Variants in RELN observed in about 807,000 individuals in gnomAD.
The protein encoded by RELN is reelin.
In RELN, 108 loss-of-function variants were observed where a neutral mutation model predicts 427.6. The ratio of observed to expected loss-of-function variants is 0.25; its 90% confidence interval spans 0.22 to 0.30. RELN has a LOEUF of 0.30. Ranked by LOEUF, RELN falls within the 10% of genes least tolerant of loss-of-function variation. RELN has a pLI of 1.00. For missense variants in RELN, 3,715 were observed against 4,302.8 expected (o/e 0.86, Z 3.82); for synonymous variants, 1,524 against 1,513.4 (o/e 1.01, Z -0.16).
intron 1 of RELN, among the ~76,000 whole-genome samples, chr7:103,931,818 T>C (rs73715908): frequency 0.1 from 15,696 of 152,130 alleles, 1,543 homozygotes; most frequent in East Asian, 0.26. Context: ...ACACTCCTCC[T>C]TTGTACACAA....
chr7:103,732,797 G>A (rs1019234702), intron 6 of RELN, among the ~76,000 whole-genome samples: 1 of 152,138 alleles, frequency 6.6e-6, no homozygotes. Context: ...GTTGAGTGCA[G>A]TGAGGTATTT....
intron 61 of RELN, among the ~76,000 whole-genome samples, chr7:103,485,751 ACCATCCATCCAT>A (rs3840642): frequency 2.0e-5 from 2 of 99,282 alleles, no homozygotes; most frequent in East Asian, 3.5e-4. Context: ...TATCCATCCA[ACCATCCATCCAT>A]CCATCCATCC....
intron 4 of RELN, among the ~76,000 whole-genome samples, chr7:103,771,052 A>G (rs1414291748): frequency 1.3e-5 from 2 of 150,812 alleles, no homozygotes; most frequent in Non-Finnish European, 2.9e-5. Flanking sequence ...AGTAGCTGGG[A>G]CTACAGGCAC....
chr7:103,817,060 C>T (rs1792891346), intron 3 of RELN, among the ~76,000 whole-genome samples: 1 of 152,080 alleles, frequency 6.6e-6, no homozygotes, highest in Admixed American at 6.5e-5. Context: ...CCATATTGGC[C>T]AGACTGGTCT....
intron 2 of RELN, among the ~76,000 whole-genome samples, chr7:103,881,578 AT>A (rs906786747): frequency 1.3e-4 from 20 of 152,002 alleles, no homozygotes; most frequent in African/African-American, 4.8e-4. Context: ...AGCCTTCCAA[AT>A]GACACTTCTT....
intron 63 of RELN, among the ~76,000 whole-genome samples, chr7:103,479,566 A>G (rs1412434021): frequency 6.6e-6 from 1 of 151,976 alleles, no homozygotes; most frequent in Non-Finnish European, 1.5e-5. Context: ...GAGTGGGAAG[A>G]TTACACTCTC....
chr7:103,503,831 A>C (rs935617837), intron 51 of RELN, among the ~76,000 whole-genome samples: 9 of 151,482 alleles, frequency 5.9e-5, no homozygotes, highest in Admixed American at 4.6e-4. Context: ...TGTTGACATT[A>C]ATGCTAATCA....
chr7:103,663,038 T>C (rs1833179710), intron 11 of RELN, among the ~76,000 whole-genome samples: 1 of 152,150 alleles, frequency 6.6e-6, no homozygotes, highest in South Asian at 2.1e-4. Flanking sequence ...AAACATTCTG[T>C]CAGCCCTCTG....
intron 1 of RELN, among the ~76,000 whole-genome samples, chr7:103,939,901 T>C (rs1341472456): frequency 6.6e-6 from 1 of 152,206 alleles, no homozygotes; most frequent in Non-Finnish European, 1.5e-5. Flanking sequence ...TATGTAATGG[T>C]AGGATCCAAT....
chr7:103,490,898 A>C, intron 58 of RELN, 69 bp from the exon 59 acceptor site: 1 of 1,491,836 alleles, frequency 6.7e-7, no homozygotes. Context: ...TGTCAAGGTA[A>C]TGCTTTGTGA....
In RELN at chr7:103,841,460, C is replaced by G. The variant is rs113294367; in HGVS notation, c.338-7788G>C. On this transcript the variant is annotated intron_variant, in intron 2 of 64. Transcript: ENST00000428762. ...AGTTTCCTTTATCCACATTATACTT[C>G]AGCAAGATTTGACTCACAATGTCTT... is the stretch of plus-strand genomic sequence containing the variant. 1.6e-3 allele frequency among the ~76,000 whole-genome samples: 251 copies of G among 152,288 alleles called. 1 individual carries two copies. The highest frequency in any genetic ancestry group is 5.9e-3 in the African/African-American group (244 of 41,576).
Position 103,677,405 on chromosome 7 carries a change from TATAATAATAATAATA to T in RELN, c.1289+4696_1289+4710del, listed in dbSNP as rs370333905. ...TGCACATGTAACCCAGAACTTAAAG[TATAATAATAATAATA>T]ATAATAATAATAATAATAATAATAA... On this transcript the variant is annotated intron_variant, in intron 11 of 64. Transcript: ENST00000428762. Among the ~76,000 whole-genome samples, 217 of 134,422 alleles carry T rather than the reference TATAATAATAATAATA, an allele frequency of 1.6e-3. 1 individual carries two copies. Among genetic ancestry groups the T allele is most frequent in the African/African-American group, 3.8e-3 (135 of 35,828 alleles). The allele number at this position is 134,422 out of a possible 152,430, so 88.2% of individuals were successfully genotyped here. A position where few individuals can be genotyped will look rare whatever the true frequency, so the allele number is the denominator to read the frequency against.
chr7:103,727,614 G>T (rs1192378438), intron 7 of RELN, among the ~76,000 whole-genome samples: 1 of 152,124 alleles, frequency 6.6e-6, no homozygotes, highest in African/African-American at 2.4e-5. Flanking sequence ...AATTTGAGAT[G>T]AATCAAAATT....
intron 3 of RELN, among the ~76,000 whole-genome samples, chr7:103,817,956 A>AG (rs1240413840): frequency 2.0e-5 from 3 of 150,574 alleles, no homozygotes; most frequent in African/African-American, 7.3e-5. Flanking sequence ...AAAAAAAAAA[A>AG]AAAAAGAAAA....
At chr7:103,491,889 C>CACACACAT (rs1457189248) in intron 58 of RELN, 64 bp downstream of exon 58, 1 of 978,086 alleles carries the variant, frequency 1.0e-6, no homozygotes, top group Non-Finnish European at 1.6e-6. Flanking sequence ...CACACACACA[C>CACACACAT]ACACACAACG....
intron 5 of RELN, among the ~76,000 whole-genome samples, chr7:103,750,763 A>G (rs10243050): frequency 0.032 from 4,937 of 152,294 alleles, 267 homozygotes; most frequent in African/African-American, 0.11. Context: ...TCAGAACTGC[A>G]TAAGAGAATT....
chr7:103,732,269 C>G lies in RELN; in HGVS notation c.657-4062G>C, dbSNP rs553373631. 7.9e-5 allele frequency among the ~76,000 whole-genome samples: 12 copies of G among 152,146 alleles called. No homozygotes were observed. In the East Asian group the frequency reaches 2.1e-3, roughly 27 times the overall value. ...GGTCCAAGAATGAATCCCTGGGGAA[C>G]AATCAGATTGCCCATGGGCTAGTTT... is the stretch of plus-strand genomic sequence containing the variant. On this transcript the variant is annotated intron_variant, in intron 6 of 64. Coordinates refer to ENST00000428762, the MANE Select transcript of RELN (RefSeq NM_005045.4).
chr7:103,604,547 A>C, intron 22 of RELN, 64 bp from the exon 23 acceptor site: 1 of 1,557,474 alleles, frequency 6.4e-7, no homozygotes, highest in Non-Finnish European at 8.8e-7. Context: ...TTGGCAAAGA[A>C]TGTCAGAGTC....
At chr7:103,738,197 G>C (rs1391862874) in intron 6 of RELN, among the ~76,000 whole-genome samples, 1 of 150,954 alleles carries the variant, frequency 6.6e-6, no homozygotes, top group Non-Finnish European at 1.5e-5. Flanking sequence ...AGCTCTGGAT[G>C]CCTTCTGTGA....
Sources: allele counts gnomAD v4.1 joint callset (sites outside exome capture counted in the v4.1 genomes callset), GRCh38; gene constraint gnomAD v4.1.1; transcripts MANE v1.5; gene names NCBI Gene and HGNC (gene_info 2026-07-23, HGNC 2026-07-21).